Variants in FER observed in about 807,000 individuals in gnomAD.
FER encodes FER tyrosine kinase.
FER carries 63 observed loss-of-function variants against 111.0 expected under a neutral mutation model. The ratio of observed to expected loss-of-function variants is 0.57; its 90% CI spans 0.46 to 0.70. FER has a LOEUF of 0.70. Among genes scored for constraint, FER ranks in the 30% least tolerant of loss-of-function variants. FER has a pLI of 0.00. For synonymous variants in FER, 327 were observed against 313.9 expected, an observed-to-expected ratio of 1.04 and a Z score of -0.44; for missense variants, 914 against 954.0, an observed-to-expected ratio of 0.96 and a Z score of 0.55.
intron 3 of FER, among the ~76,000 whole-genome samples, chr5:108,799,103 A>G (rs1353557135): frequency 7.2e-5 from 11 of 152,214 alleles, no homozygotes; most frequent in Non-Finnish European, 1.6e-4. Flanking sequence ...CTTATTTGCT[A>G]TCATTTCAGT....
Position 109,035,493 on chromosome 5 carries a change from G to A in FER, c.1657-1929G>A, listed in dbSNP as rs74806719. On this transcript the variant is annotated intron_variant, in intron 13 of 19. Transcript: ENST00000281092. ...GTAAGTTCCTTTTTATTGCCGAATA[G>A]TCAGTTCCCTGAATGTACCAAAATG... is the stretch of plus-strand genomic sequence containing the variant. Among the ~76,000 whole-genome samples, 1,521 of 152,256 alleles carry A rather than the reference G, an allele frequency of 1.0e-2. 22 individuals are homozygous for A. The highest frequency in any genetic ancestry group is 0.035 in the African/African-American group (1,452 of 41,544).
chr5:108,847,251 T>G lies in FER; in HGVS notation c.481+11444T>G, dbSNP rs114725151. Among the ~76,000 whole-genome samples the G allele has an allele frequency of 2.9e-3, 434 of 152,000 alleles. 1 individual carries two copies. Among genetic ancestry groups the G allele is most frequent in the African/African-American group, 9.4e-3 (389 of 41,534 alleles). On this transcript the variant is annotated intron_variant, in intron 5 of 19. Transcript: ENST00000281092. Reference sequence around the variant, plus strand: ...TCTAATTTCCTTTTTGATTATTTTTTTGTGTGTGTTTTTCTTTGATTCATA... The same window carrying G: ...TCTAATTTCCTTTTTGATTATTTTTGTGTGTGTGTTTTTCTTTGATTCATA...
intron 15 of FER, among the ~76,000 whole-genome samples, chr5:109,046,840 A>T (rs1324794387): frequency 6.6e-6 from 1 of 152,132 alleles, no homozygotes; most frequent in Non-Finnish European, 1.5e-5. Flanking sequence ...GGTTGTATGC[A>T]AATATTGCAC....
chr5:108,992,789 G>A (rs1763407131), intron 13 of FER, among the ~76,000 whole-genome samples: 2 of 150,808 alleles, frequency 1.3e-5, no homozygotes, highest in Admixed American at 1.3e-4. Flanking sequence ...AGACGGGGCG[G>A]TTGCCAGGCA....
At position 108,766,735 on chromosome 5, in the gene FER, A is replaced by G. The variant is rs187090630; in HGVS notation, c.-205-1358A>G. 3.0e-4 allele frequency among the ~76,000 whole-genome samples: 45 copies of G among 152,336 alleles called. No homozygotes were observed. The East Asian group carries it at 4.4e-3, about 15-fold the overall frequency. On this transcript the variant is annotated intron_variant, in intron 1 of 19. Coordinates refer to ENST00000281092, the MANE Select transcript of FER (RefSeq NM_005246.4). The stretch of plus-strand genomic sequence containing the variant: ...TGTCATCTGATTGATGTGAAAGTCA[A>G]GGCAGTAGAGGAAATGATGGGAGAC...
intron 13 of FER, among the ~76,000 whole-genome samples, chr5:108,986,095 A>T (rs964424268): frequency 2.0e-5 from 3 of 152,002 alleles, no homozygotes; most frequent in Non-Finnish European, 2.9e-5. Flanking sequence ...CTATGCCAAC[A>T]TGTATTATTT....
chr5:109,105,495 AAAAAT>A (rs1748798565), intron 17 of FER, among the ~76,000 whole-genome samples: 2 of 152,156 alleles, frequency 1.3e-5, no homozygotes, highest in African/African-American at 4.8e-5. Context: ...CAAAATAAAT[AAAAAT>A]AAAATAAAAT....
At chr5:108,768,631 C>G (rs1752573413) in intron 2 of FER, among the ~76,000 whole-genome samples, 1 of 152,006 alleles carries the variant, frequency 6.6e-6, no homozygotes, top group South Asian at 2.1e-4. Context: ...ATCTCATTGT[C>G]TAATATAATC....
At chr5:109,077,569 A>T (rs956500753) in intron 16 of FER, among the ~76,000 whole-genome samples, 1 of 152,152 alleles carries the variant, frequency 6.6e-6, no homozygotes, top group East Asian at 1.9e-4. Flanking sequence ...TCAATTTGTT[A>T]TGGTCCATTT....
intron 6 of FER, among the ~76,000 whole-genome samples, chr5:108,869,356 C>T (rs965226698): frequency 6.6e-6 from 1 of 152,066 alleles, no homozygotes; most frequent in African/African-American, 2.4e-5. Flanking sequence ...TCTGACTAAC[C>T]CTGCACTCTC....
chr5:109,002,117 A>C (rs1581596953), intron 13 of FER, among the ~76,000 whole-genome samples: 1 of 151,284 alleles, frequency 6.6e-6, no homozygotes, highest in African/African-American at 2.4e-5. Flanking sequence ...AATTGGAAAA[A>C]ACTACTTTAA....
At chr5:108,996,746 T>C (rs1018907435) in intron 13 of FER, among the ~76,000 whole-genome samples, 24 of 152,202 alleles carry the variant, frequency 1.6e-4, no homozygotes, top group African/African-American at 5.5e-4. Flanking sequence ...CTGTGTGGGC[T>C]CTTTTTTTGT....
chr5:108,914,315 G>T (rs1024581751), intron 10 of FER, among the ~76,000 whole-genome samples: 2 of 151,828 alleles, frequency 1.3e-5, no homozygotes, highest in Non-Finnish European at 2.9e-5. Context: ...AGAATTATCT[G>T]GGAGAAGGAG....
chr5:109,077,643 C>G (rs190322668), intron 16 of FER, among the ~76,000 whole-genome samples: 3 of 152,284 alleles, frequency 2.0e-5, no homozygotes, highest in Admixed American at 2.0e-4. Context: ...GTACTTGAGA[C>G]CATCCATCAG....
At chr5:109,036,532 G>A (rs1770425183) in intron 13 of FER, among the ~76,000 whole-genome samples, 1 of 151,730 alleles carries the variant, frequency 6.6e-6, no homozygotes, top group Admixed American at 6.6e-5. Context: ...TGTAATGAGG[G>A]GAAAACTACA....
chr5:109,070,578 G>T (rs1281509977), intron 16 of FER, among the ~76,000 whole-genome samples: 4 of 151,892 alleles, frequency 2.6e-5, no homozygotes, highest in Non-Finnish European at 2.9e-5. Context: ...GGAAAAATAT[G>T]CATTGAGAGG....
At chr5:108,832,670 A>AT (rs1760164994) in intron 3 of FER, 100 bp from the exon 4 acceptor site, 1 of 794,070 alleles carries the variant, frequency 1.3e-6, no homozygotes, top group Non-Finnish European at 1.7e-6. Flanking sequence ...TAATGTAATA[A>AT]TTTACATAAA....
At chr5:108,969,905 G>A (rs1407389210) in intron 13 of FER, among the ~76,000 whole-genome samples, 2 of 148,298 alleles carry the variant, frequency 1.3e-5, no homozygotes, top group South Asian at 4.2e-4. Context: ...TTAGAGTGGA[G>A]TAGTAATGGG....
chr5:109,148,878 C>T (rs1241098158), intron 17 of FER, among the ~76,000 whole-genome samples: 1 of 151,926 alleles, frequency 6.6e-6, no homozygotes, highest in African/African-American at 2.4e-5. Context: ...CTTGGAGATG[C>T]TAAGGATTAG....
Sources: allele counts gnomAD v4.1 joint callset (sites outside exome capture counted in the v4.1 genomes callset), GRCh38; gene constraint gnomAD v4.1.1; transcripts MANE v1.5; gene names NCBI Gene and HGNC (gene_info 2026-07-23, HGNC 2026-07-21).